Variants in BTBD1 observed in about 807,000 individuals in gnomAD.
The protein encoded by BTBD1 is BTB/POZ domain-containing protein 1.
Under a neutral mutation model 48.0 loss-of-function variants are expected in BTBD1, and 34 were observed. The observed-to-expected ratio is 0.71, with a 90% CI of 0.54 to 0.94. The LOEUF is 0.94. Ranked by LOEUF, BTBD1 falls within the 40% of genes least tolerant of loss-of-function variation. The pLI, the probability that BTBD1 is intolerant of heterozygous loss-of-function variation, is 0.00. For missense variants in BTBD1, 543 were observed against 625.6 expected (o/e 0.87, Z 1.41); for synonymous variants, 261 against 242.1 (o/e 1.08, Z -0.72).
At chr15:83,054,101 G>A (rs912947635) in intron 2 of BTBD1, among the ~76,000 whole-genome samples, 10 of 152,228 alleles carry the variant, frequency 6.6e-5, no homozygotes, top group Non-Finnish European at 1.5e-5. Flanking sequence ...CACTTTGGGA[G>A]GCCAAGGCAG....
At chr15:83,032,558 C>T (rs1432691844) in intron 4 of BTBD1, among the ~76,000 whole-genome samples, 3 of 151,994 alleles carry the variant, frequency 2.0e-5, no homozygotes, top group Admixed American at 1.3e-4. Context: ...TAAAATGGAA[C>T]GAAACAAAGG....
intron 3 of BTBD1, among the ~76,000 whole-genome samples, chr15:83,047,248 A>C (rs778621060): frequency 6.6e-6 from 1 of 152,244 alleles, no homozygotes; most frequent in Non-Finnish European, 1.5e-5. Context: ...GAGTAATGGA[A>C]CAGGGATTGC....
At chr15:83,058,275 A>G (rs557221706) in intron 1 of BTBD1, among the ~76,000 whole-genome samples, 8 of 152,274 alleles carry the variant, frequency 5.3e-5, no homozygotes, top group South Asian at 2.1e-4. Context: ...TCATCCATCA[A>G]TCAGCTTCCA....
At chr15:83,038,450 A>G (rs528760445) in intron 4 of BTBD1, among the ~76,000 whole-genome samples, 1 of 152,344 alleles carries the variant, frequency 6.6e-6, no homozygotes, top group African/African-American at 2.4e-5. Context: ...GGAAGACTCA[A>G]TATCGTTCAA....
chr15:83,029,310 T>C (rs1208445979), intron 5 of BTBD1, among the ~76,000 whole-genome samples: 1 of 152,240 alleles, frequency 6.6e-6, no homozygotes, highest in Non-Finnish European at 1.5e-5. Flanking sequence ...TGATTCTATT[T>C]TGACATTCAA....
intron 3 of BTBD1, among the ~76,000 whole-genome samples, chr15:83,045,108 G>A (rs1169842463): frequency 6.6e-6 from 1 of 152,110 alleles, no homozygotes; most frequent in Non-Finnish European, 1.5e-5. Flanking sequence ...AAATAAAAAT[G>A]AGTATGCTAT....
intron 3 of BTBD1, among the ~76,000 whole-genome samples, chr15:83,042,382 G>A (rs9646238): frequency 0.064 from 5,309 of 83,188 alleles, 191 homozygotes; most frequent in African/African-American, 0.083. Context: ...ATATATGTAT[G>A]TATATATTTT....
At chr15:83,059,966 A>T (rs2033151076) in intron 1 of BTBD1, among the ~76,000 whole-genome samples, 2 of 152,198 alleles carry the variant, frequency 1.3e-5, no homozygotes, top group Non-Finnish European at 2.9e-5. Flanking sequence ...CTTATAAGAC[A>T]TTTTAAGTTC....
At chr15:83,046,093 T>C (rs2151308659) in intron 3 of BTBD1, among the ~76,000 whole-genome samples, 1 of 152,218 alleles carries the variant, frequency 6.6e-6, no homozygotes, top group East Asian at 1.9e-4. Context: ...CCCAGTCTTC[T>C]CTTGAATTAC....
intron 5 of BTBD1, among the ~76,000 whole-genome samples, chr15:83,025,034 C>T (rs1455601230): frequency 1.3e-5 from 2 of 152,084 alleles, no homozygotes; most frequent in African/African-American, 2.4e-5. Flanking sequence ...AAAAGAGAAA[C>T]ATATACTCTT....
chr15:83,051,873 T>TACACACACACACACACACAC (rs766997533), intron 2 of BTBD1, among the ~76,000 whole-genome samples: 1,057 of 23,572 alleles, frequency 0.045, 25 homozygotes, highest in African/African-American at 0.19. Context: ...TTTTTCCATA[T>TACACACACACACACACACAC]ATATACACAC....
At chr15:83,044,098 T>C (rs961193141) in intron 3 of BTBD1, among the ~76,000 whole-genome samples, 4 of 152,132 alleles carry the variant, frequency 2.6e-5, no homozygotes, top group South Asian at 2.1e-4. Context: ...TTGAAAAGAA[T>C]AGCTATCAAG....
intron 3 of BTBD1, chr15:83,044,509 A>C: frequency 1.3e-6 from 2 of 1,584,022 alleles, no homozygotes; most frequent in Non-Finnish European, 1.7e-6. Context: ...ATCACTTGTG[A>C]TGGCAAAAAC....
chr15:83,064,859 TC>T (rs747131912), intron 1 of BTBD1, among the ~76,000 whole-genome samples: 15 of 151,116 alleles, frequency 9.9e-5, no homozygotes, highest in African/African-American at 2.7e-4. Flanking sequence ...GCTTTTGAGG[TC>T]CCCCCCCTTT....
chr15:83,019,555 C>G (rs1316177212), intron 6 of BTBD1, among the ~76,000 whole-genome samples: 1 of 151,056 alleles, frequency 6.6e-6, no homozygotes, highest in Non-Finnish European at 1.5e-5. Context: ...AATCCTGATG[C>G]CCTCCCACAG....
At chr15:83,032,969 C>CAAAAAAAAAAAAAAAAAAAAA (rs56152195) in intron 4 of BTBD1, among the ~76,000 whole-genome samples, 6 of 86,994 alleles carry the variant, frequency 6.9e-5, no homozygotes, top group African/African-American at 2.5e-4. Flanking sequence ...TACTCTGTCT[C>CAAAAAAAAAAAAAAAAAAAAA]AAAAAAAAAA....
chr15:83,018,001 G>T lies in BTBD1; in HGVS notation c.*66C>A. 9.2e-7 allele frequency: 1 copy of T among 1,083,566 alleles called. No individual in the cohort carries two copies. The highest frequency in any genetic ancestry group is 2.7e-5 in the Admixed American group (1 of 36,674). 67.1% of individuals were successfully genotyped at this position (1,083,566 alleles called of 1,614,324 possible). ...CATAACACTCAAACTACTTTTTTGT[G>T]GCCATTTATGTTTTTGACACTAGAT... On this transcript the variant is annotated 3_prime_UTR_variant, in exon 8 of 8. Coordinates refer to ENST00000261721, the MANE Select transcript of BTBD1 (RefSeq NM_025238.4).
In BTBD1 at chr15:83,055,734, A is replaced by G. The variant is rs531711969; in HGVS notation, c.558+655T>C. Among the ~76,000 whole-genome samples the G allele has an allele frequency of 4.3e-4, 65 of 152,358 alleles. No homozygotes were observed. The Middle Eastern group carries it at 0.014, about 32-fold the overall frequency. On this transcript the variant is annotated intron_variant, in intron 2 of 7. Transcript: ENST00000261721. The stretch of plus-strand genomic sequence containing the variant: ...AACTTTTCAGAACTTGAAATATTCC[A>G]TCTTTATTCCAGATCCAGCAAAATT...
intron 3 of BTBD1, among the ~76,000 whole-genome samples, chr15:83,043,788 C>A (rs568227428): frequency 1.3e-5 from 2 of 152,048 alleles, no homozygotes; most frequent in Non-Finnish European, 2.9e-5. Flanking sequence ...ACAGGAGGTG[C>A]AGGTTTGGGG....
Sources: gnomAD v4.1 joint callset for allele counts (sites outside exome capture counted in the v4.1 genomes callset) on GRCh38, gnomAD v4.1.1 for gene constraint, MANE v1.5 for transcripts, NCBI Gene and HGNC (gene_info 2026-07-23, HGNC 2026-07-21) for gene names.